The following STK24 variants were observed in gnomAD, a reference collection of about 807,000 sequenced individuals.
STK24 encodes serine/threonine-protein kinase 24.
STK24 carries 21 observed loss-of-function variants against 55.6 expected under a neutral mutation model. That is an observed-to-expected ratio of 0.38 (90% CI 0.27 to 0.54). The LOEUF is 0.54. Among genes scored for constraint, STK24 ranks in the 20% least tolerant of loss-of-function variants. STK24 has a pLI of 0.79. For synonymous variants in STK24, 200 were observed against 215.2 expected (o/e 0.93, Z 0.62); for missense variants, 383 against 538.4 (o/e 0.71, Z 2.86).
At chr13:98,550,122 A>T (rs1329683464) in intron 1 of STK24, among the ~76,000 whole-genome samples, 2 of 152,208 alleles carry the variant, frequency 1.3e-5, no homozygotes, top group Non-Finnish European at 2.9e-5. Context: ...TTGATGACTC[A>T]ATTCAATACT....
At chr13:98,505,298 G>A (rs916143512) in intron 2 of STK24, among the ~76,000 whole-genome samples, 5 of 152,178 alleles carry the variant, frequency 3.3e-5, no homozygotes, top group African/African-American at 1.2e-4. Context: ...TACTTTTAAC[G>A]AACCAATGTT....
intron 2 of STK24, among the ~76,000 whole-genome samples, chr13:98,504,451 C>T (rs959070861): frequency 6.6e-6 from 1 of 152,244 alleles, no homozygotes; most frequent in African/African-American, 2.4e-5. Context: ...AGCTTAGTCT[C>T]TCAAACACTA....
Position 98,491,404 on chromosome 13 carries a change from T to G in STK24, c.274-9083A>C, listed in dbSNP as rs115005568. ...AAGAAGTGCTTCAAAGCAAGGAACG[T>G]TTTCTTGTGCTGGCAACAAACGTTC... On this transcript the variant is annotated intron_variant, in intron 2 of 10. Transcript: ENST00000539966. Among the ~76,000 whole-genome samples, 446 of 152,242 alleles carry G rather than the reference T, an allele frequency of 2.9e-3. 1 individual carries two copies. Among genetic ancestry groups the G allele is most frequent in the African/African-American group, 0.01 (425 of 41,536 alleles).
chr13:98,445,862 T>TGTC lies in STK24; in HGVS notation c.*7310_*7311insGAC, dbSNP rs1555298168. The TGTC allele has an allele frequency of 1.2e-5, 6 of 498,192 alleles. No individual in the cohort carries two copies. Among genetic ancestry groups the TGTC allele is most frequent in the South Asian group, 4.7e-5 (2 of 42,474 alleles). 30.9% of individuals were successfully genotyped at this position (498,192 alleles called of 1,614,324 possible). A position where few individuals can be genotyped will look rare whatever the true frequency, so the allele number is the denominator to read the frequency against. On this transcript the variant is annotated 3_prime_UTR_variant, in exon 11 of 11. Transcript: ENST00000539966. ...CTGGTAGTCAGGACCTCAACGTGTC[T>TGTC]TTTGGGGGGACACAGGGACCCCAAG...
chr13:98,550,822 A>T (rs1484382652), intron 1 of STK24, among the ~76,000 whole-genome samples: 1 of 152,240 alleles, frequency 6.6e-6, no homozygotes, highest in Non-Finnish European at 1.5e-5. Flanking sequence ...TCATTTATAC[A>T]GCTTACTGCT....
intron 1 of STK24, chr13:98,542,860 G>A (rs969941319): frequency 6.1e-6 from 6 of 985,246 alleles, no homozygotes; most frequent in African/African-American, 5.2e-5. Context: ...GTCCGTAAGA[G>A]GTCAGTTGAA....
rs60756124 is a variant in STK24 at position 98,559,002 on chromosome 13, TAAAAAAAAA to T, written c.42+17734_42+17742del. On this transcript the variant is annotated intron_variant, in intron 1 of 10. Coordinates refer to ENST00000539966, the MANE Select transcript of STK24 (RefSeq NM_001032296.4). ...CAACGTGGAGAAACCCTGTCTCTAC[TAAAAAAAAA>T]AAAAAAAAAAAAAAAAAAAAATACA... 2.1e-4 allele frequency among the ~76,000 whole-genome samples: 9 copies of T among 43,024 alleles called. No homozygotes were observed. In the East Asian group the frequency reaches 4.8e-3, roughly 23 times the overall value. The allele number at this position is 43,024 out of a possible 152,430, so 28.2% of individuals were successfully genotyped here.
intron 1 of STK24, among the ~76,000 whole-genome samples, chr13:98,534,231 T>A (rs1594647775): frequency 6.6e-6 from 1 of 152,210 alleles, no homozygotes; most frequent in Non-Finnish European, 1.5e-5. Flanking sequence ...GAAGGCTCCC[T>A]GGCTCAAAGA....
intron 4 of STK24, 30 bp from the exon 5 acceptor site, chr13:98,475,008 C>A: frequency 6.3e-7 from 1 of 1,585,234 alleles, no homozygotes. Flanking sequence ...CGGCCCTGGG[C>A]GGTGCGGACT....
At chr13:98,535,153 A>C (rs1422623573) in intron 1 of STK24, among the ~76,000 whole-genome samples, 2 of 152,184 alleles carry the variant, frequency 1.3e-5, no homozygotes, top group East Asian at 1.9e-4. Context: ...GTTCAAGACC[A>C]GCCTGACCAG....
chr13:98,574,297 G>A (rs1227992187), intron 1 of STK24, among the ~76,000 whole-genome samples: 1 of 152,184 alleles, frequency 6.6e-6, no homozygotes, highest in African/African-American at 2.4e-5. Context: ...AGACTCTGCT[G>A]TCTTTCTAAG....
intron 6 of STK24, 28 bp from the exon 7 acceptor site, chr13:98,463,864 T>G: frequency 1.2e-6 from 2 of 1,608,490 alleles, no homozygotes; most frequent in Non-Finnish European, 1.7e-6. Flanking sequence ...ACAATTAAAG[T>G]ATGAGATGAA....
chr13:98,554,441 A>C (rs560249776), intron 1 of STK24, among the ~76,000 whole-genome samples: 1 of 152,356 alleles, frequency 6.6e-6, no homozygotes, highest in African/African-American at 2.4e-5. Context: ...CCAGACCTCC[A>C]GGTTATCTAA....
At chr13:98,515,590 G>A (rs1232363043) in intron 2 of STK24, among the ~76,000 whole-genome samples, 1 of 151,762 alleles carries the variant, frequency 6.6e-6, no homozygotes, top group Non-Finnish European at 1.5e-5. Context: ...AATCTTTAGG[G>A]GAAAAAAAAT....
At chr13:98,466,316 G>C in intron 6 of STK24, 60 bp downstream of exon 6, 1 of 1,543,380 alleles carries the variant, frequency 6.5e-7, no homozygotes, top group Non-Finnish European at 8.8e-7. Flanking sequence ...CCAACAGGAT[G>C]TATCTCAACC....
intron 2 of STK24, among the ~76,000 whole-genome samples, chr13:98,487,325 AT>A (rs1894844675): frequency 6.6e-6 from 1 of 152,222 alleles, no homozygotes; most frequent in Non-Finnish European, 1.5e-5. Flanking sequence ...AAATAATTTC[AT>A]GTTTTTTCAA....
At chr13:98,459,209 G>T (rs530517221) in intron 9 of STK24, among the ~76,000 whole-genome samples, 2 of 152,214 alleles carry the variant, frequency 1.3e-5, no homozygotes, top group African/African-American at 4.8e-5. Context: ...AAAATGAAGC[G>T]CAGGATGGCG....
At chr13:98,458,440 T>A (rs757880877) in intron 9 of STK24, among the ~76,000 whole-genome samples, 3 of 152,168 alleles carry the variant, frequency 2.0e-5, no homozygotes, top group Non-Finnish European at 4.4e-5. Flanking sequence ...AGCAACGGCT[T>A]CTCTCTTCGC....
chr13:98,445,376 G>GTT lies in STK24; in HGVS notation c.*7795_*7796dup, dbSNP rs1555298095. 1 of 152,276 alleles carries GTT rather than the reference G, an allele frequency of 6.6e-6. No homozygotes were observed. Among genetic ancestry groups the GTT allele is most frequent in the African/African-American group, 2.4e-5 (1 of 41,462 alleles). 9.4% of individuals were successfully genotyped at this position (152,276 alleles called of 1,614,324 possible). On this transcript the variant is annotated 3_prime_UTR_variant, in exon 11 of 11. Coordinates refer to ENST00000539966, the MANE Select transcript of STK24 (RefSeq NM_001032296.4). The stretch of plus-strand genomic sequence containing the variant: ...CACCAGTGCGTCAGGCCTGCTCAGA[G>GTT]TTGTTTGGAGGTAGCATGGACACAG...
Sources: gnomAD v4.1 joint callset for allele counts (sites outside exome capture counted in the v4.1 genomes callset) on GRCh38, gnomAD v4.1.1 for gene constraint, MANE v1.5 for transcripts, NCBI Gene and HGNC (gene_info 2026-07-23, HGNC 2026-07-21) for gene names.